The following KIDINS220 variants were observed in gnomAD, a reference collection of about 807,000 sequenced individuals.
The protein encoded by KIDINS220 is kinase D interacting substrate 220, also known as kinase D-interacting substrate of 220 kDa.
A neutral mutation model predicts 157.6 loss-of-function variants in KIDINS220; 63 were observed. The observed-to-expected ratio is 0.40, with a 90% CI of 0.33 to 0.49. KIDINS220 has a LOEUF of 0.49. KIDINS220 is among the 20% of genes least tolerant of loss of function. KIDINS220 has a pLI of 0.66. For missense variants in KIDINS220, 1,772 were observed against 2,171.2 expected, an observed-to-expected ratio of 0.82 and a Z score of 3.65; for synonymous variants, 732 against 783.6, an observed-to-expected ratio of 0.93 and a Z score of 1.10.
At position 8,813,099 on chromosome 2, in the gene KIDINS220, T is replaced by C. The variant is rs1676555949; in HGVS notation, c.405+138A>G. The C allele has an allele frequency of 1.5e-5, 8 of 550,552 alleles. No homozygotes were observed. The South Asian group carries it at 2.1e-4, about 15-fold the overall frequency. The allele number at this position is 550,552 out of a possible 1,614,324, so 34.1% of individuals were successfully genotyped here. A position where few individuals can be genotyped will look rare whatever the true frequency, so the allele number is the denominator to read the frequency against. ...GAAAAAAATTATCATTACTGTGTTT[T>C]GAAATCATATTCTATGTTACGTTTA... On this transcript the variant is annotated intron_variant, in intron 5 of 29. Coordinates refer to ENST00000256707, the MANE Select transcript of KIDINS220 (RefSeq NM_020738.4).
chr2:8,799,713 T>G (rs965667149), intron 9 of KIDINS220, among the ~76,000 whole-genome samples: 8 of 152,238 alleles, frequency 5.3e-5, no homozygotes, highest in Non-Finnish European at 1.2e-4. Context: ...TATAGTTTGA[T>G]TCAAAAATGG....
chr2:8,728,509 C>A (rs1210361589), downstream of KIDINS220, among the ~76,000 whole-genome samples: 2 of 152,188 alleles, frequency 1.3e-5, no homozygotes, highest in African/African-American at 4.8e-5. Context: ...CACACATAGA[C>A]GCACAGGTTC....
Position 8,786,245 on chromosome 2 carries a change from T to G in KIDINS220, c.1900A>C (p.Thr634Pro). The G allele has an allele frequency of 1.9e-6, 3 of 1,614,154 alleles. No individual in the cohort carries two copies. Among genetic ancestry groups the G allele is most frequent in the Non-Finnish European group, 2.5e-6 (3 of 1,180,022 alleles). The change falls in exon 16 of 30, where the codon ACC (threonine) becomes CCC (proline). Residue 634 changes from threonine (T) to proline (P), a missense_variant. Transcript: ENST00000256707. ...GTCTTGAATACTCGAAAAAGCCTGGTTGCCAAAAAGCCAAACTCTCTTTCA... is the reference window on the plus strand; with the variant it reads ...GTCTTGAATACTCGAAAAAGCCTGGGTGCCAAAAAGCCAAACTCTCTTTCA... ...ACEREFGFLA[T>P]RLFRVFKTED...
intron 26 of KIDINS220, among the ~76,000 whole-genome samples, chr2:8,738,143 T>G (rs1202693972): frequency 1.3e-5 from 2 of 152,202 alleles, no homozygotes; most frequent in African/African-American, 4.8e-5. Flanking sequence ...TTATGCCTCA[T>G]AGATAAAATA....
intron 9 of KIDINS220, among the ~76,000 whole-genome samples, chr2:8,798,838 G>A (rs1226322814): frequency 6.6e-6 from 1 of 152,094 alleles, no homozygotes; most frequent in African/African-American, 2.4e-5. Flanking sequence ...CACAGACCTT[G>A]AAAGTAGAGC....
chr2:8,733,762 T>C (rs1028383252), intron 28 of KIDINS220, 82 bp from the exon 29 acceptor site: 3 of 932,814 alleles, frequency 3.2e-6, no homozygotes, highest in African/African-American at 3.3e-5. Context: ...TACCAAACAT[T>C]ATAAAGCTAT....
chr2:8,777,527 C>G (rs890338240), intron 20 of KIDINS220, among the ~76,000 whole-genome samples: 1 of 152,156 alleles, frequency 6.6e-6, no homozygotes, highest in Non-Finnish European at 1.5e-5. Flanking sequence ...TCTTGAACTC[C>G]TGGTCTCAAG....
chr2:8,751,145 T>G (rs1264222550), intron 23 of KIDINS220, among the ~76,000 whole-genome samples: 2 of 138,224 alleles, frequency 1.4e-5, no homozygotes, highest in Non-Finnish European at 3.0e-5. Context: ...CATGACTGTA[T>G]GTTAAAAGAA....
chr2:8,755,611 T>G (rs960991302), intron 22 of KIDINS220, among the ~76,000 whole-genome samples: 7 of 152,234 alleles, frequency 4.6e-5, no homozygotes, highest in African/African-American at 1.7e-4. Context: ...GACAAAACCT[T>G]GTGCTTGGGA....
rs367743805 is a variant in KIDINS220, at chr2:8,733,565, T to G, written c.3932A>C (p.Asn1311Thr). The G allele has an allele frequency of 6.2e-7, 1 of 1,614,006 alleles. No homozygotes were observed. The highest frequency in any genetic ancestry group is 1.3e-5 in the African/African-American group (1 of 74,930). The change falls in exon 29 of 30, where the codon AAC (asparagine) becomes ACC (threonine). Residue 1311 changes from asparagine to threonine, a missense_variant. Asn to Thr is a moderately conservative substitution (Grantham distance 65). Around this residue, in one of 3 missense-constraint regions of KIDINS220, gnomAD observed 793 missense variants for 885.5 expected, o/e 0.90. Coordinates refer to ENST00000256707, the MANE Select transcript of KIDINS220 (RefSeq NM_020738.4). ...HGEPARRASH[N>T]ELPHTELSSQ... is the part of the protein sequence containing the mutation. ...GGAGAGCTCGGTGTGAGGCAGCTCG[T>G]TGTGGGAAGCGCGGCGAGCAGGCTC... is the stretch of plus-strand genomic sequence containing the variant.
chr2:8,780,563 T>C (rs1369121609), intron 17 of KIDINS220, among the ~76,000 whole-genome samples: 1 of 151,850 alleles, frequency 6.6e-6, no homozygotes, highest in Non-Finnish European at 1.5e-5. Context: ...TGTGTGTGTG[T>C]GTATAATGTA....
At position 8,731,417 on chromosome 2, in the gene KIDINS220, T is replaced by C; in HGVS notation, c.4619A>G (p.Asp1540Gly). ...ESDNTPLLKD[D>G]KDRKAEGKVE... ...TTTCCCTTCGGCTTTTCTGTCTTTG[T>C]CATCTTTGAGCAGTGGAGTGTTATC... The change falls in exon 30 of 30, where the codon GAC (aspartate) becomes GGC (glycine). Residue 1540 changes from aspartate (D) to glycine (G), a missense_variant. Around this residue, in one of 3 missense-constraint regions of KIDINS220, gnomAD observed 793 missense variants for 885.5 expected, o/e 0.90. Transcript: ENST00000256707. The surrounding 1 kb of genome is among the most constrained non-coding windows in gnomAD (Gnocchi z 5.2). The C allele has an allele frequency of 6.2e-7, 1 of 1,614,234 alleles. No homozygotes were observed.
chr2:8,811,466 C>A (rs1363779171), intron 6 of KIDINS220, among the ~76,000 whole-genome samples: 1 of 152,156 alleles, frequency 6.6e-6, no homozygotes, highest in African/African-American at 2.4e-5. Context: ...GAAGGTAACA[C>A]CTCAAATAAG....
intron 6 of KIDINS220, among the ~76,000 whole-genome samples, chr2:8,807,311 G>A (rs1381043526): frequency 3.3e-5 from 5 of 152,164 alleles, no homozygotes; most frequent in Admixed American, 2.0e-4. Flanking sequence ...GGAGGCTAGC[G>A]ATCAGCAGAC....
At chr2:8,771,926 C>T (rs192891136) in intron 21 of KIDINS220, among the ~76,000 whole-genome samples, 6 of 151,582 alleles carry the variant, frequency 4.0e-5, no homozygotes, top group Admixed American at 2.6e-4. Flanking sequence ...AATTTAGAAG[C>T]GGCAGTTAAG....
At chr2:8,742,430 G>T (rs1471834553) in intron 26 of KIDINS220, among the ~76,000 whole-genome samples, 2 of 152,110 alleles carry the variant, frequency 1.3e-5, no homozygotes, top group East Asian at 3.9e-4. Context: ...TCACTCCACT[G>T]ACTGGACCCT....
chr2:8,728,090 C>A (rs1324033572), downstream of KIDINS220, among the ~76,000 whole-genome samples: 3 of 152,166 alleles, frequency 2.0e-5, no homozygotes, highest in Non-Finnish European at 4.4e-5. Flanking sequence ...TGCCTATAAT[C>A]CCAGGCCTTT....
At chr2:8,749,541 T>C (rs929907258) in intron 24 of KIDINS220, 2 of 357,034 alleles carry the variant, frequency 5.6e-6, no homozygotes, top group African/African-American at 4.4e-5. Context: ...ATCTGGGAAA[T>C]TATCCTATTT....
At position 8,831,686 on chromosome 2, in the gene KIDINS220, G is replaced by A. The variant is rs184348228; in HGVS notation, c.-36-4557C>T. Among the ~76,000 whole-genome samples the A allele has an allele frequency of 3.0e-4, 45 of 152,268 alleles. 1 individual carries two copies. Among genetic ancestry groups the A allele is most frequent in the African/African-American group, 9.4e-4 (39 of 41,536 alleles). Reference sequence around the variant, plus strand: ...CCTTAGACTAGAAGTTCTTGCAGCAGGATCTGCTTTATATCTAGCACAATG... The same window carrying A: ...CCTTAGACTAGAAGTTCTTGCAGCAAGATCTGCTTTATATCTAGCACAATG... On this transcript the variant is annotated intron_variant, in intron 1 of 29. Coordinates refer to ENST00000256707, the MANE Select transcript of KIDINS220 (RefSeq NM_020738.4).
Sources: allele counts gnomAD v4.1 joint callset (sites outside exome capture counted in the v4.1 genomes callset), GRCh38; gene constraint gnomAD v4.1.1; regional missense constraint gnomAD v4.1.1; non-coding constraint Gnocchi (gnomAD v3.1); transcripts MANE v1.5; gene names NCBI Gene and HGNC (gene_info 2026-07-23, HGNC 2026-07-21).